Variants in PARP4 observed in about 807,000 individuals in gnomAD.
PARP4 encodes the protein poly(ADP-ribose) polymerase family member 4.
Under a neutral mutation model 187.7 loss-of-function variants are expected in PARP4, and 120 were observed. The observed-to-expected ratio is 0.64, with a 90% CI of 0.55 to 0.74. The LOEUF (loss-of-function observed/expected upper bound fraction) is 0.74, where lower values mean the gene tolerates loss of function less well. PARP4 is among the 30% of genes least tolerant of loss of function. The pLI is 0.00. For synonymous variants in PARP4, 654 were observed against 740.9 expected, an observed-to-expected ratio of 0.88 and a Z score of 1.90; for missense variants, 1,836 against 2,070.5, an observed-to-expected ratio of 0.89 and a Z score of 2.20.
chr13:24,490,327 C>T (rs1175364348), intron 10 of PARP4, among the ~76,000 whole-genome samples: 3 of 152,244 alleles, frequency 2.0e-5, no homozygotes, highest in Middle Eastern at 3.4e-3. Flanking sequence ...ACGTTAGAGA[C>T]GCCATACCCA....
At chr13:24,453,222 C>T (rs764522091) in intron 23 of PARP4, among the ~76,000 whole-genome samples, 1 of 151,780 alleles carries the variant, frequency 6.6e-6, no homozygotes, top group African/African-American at 2.4e-5. Context: ...AGGTGTGAGA[C>T]ACCACACCCA....
chr13:24,443,709 G>A lies in PARP4; in HGVS notation c.3388C>T (p.Arg1130Ter), dbSNP rs144638172. Residue 1130 changes from arginine to a stop codon, truncating the protein, a stop_gained, in exon 28 of 34, where the codon CGA (arginine) becomes TGA (stop). Transcript: ENST00000381989. LOFTEE classifies it high-confidence loss of function. ...TGTMIHKLAA[R>*]ALIRDYEDGI... ...TCTTCATAATCTCTGATTAGAGCTC[G>A]GGCTGCCAGCTTGTGGATCATCTGT... 54 of 1,613,354 alleles carry A rather than the reference G, an allele frequency of 3.3e-5. No homozygotes were observed. The African/African-American group carries it at 5.1e-4, about 15-fold the overall frequency.
chr13:24,462,411 C>G (rs1405137325), intron 17 of PARP4, among the ~76,000 whole-genome samples: 1 of 152,168 alleles, frequency 6.6e-6, no homozygotes, highest in African/African-American at 2.4e-5. Context: ...AACTCTTCAA[C>G]CCCTACACTA....
intron 14 of PARP4, among the ~76,000 whole-genome samples, chr13:24,476,367 ACTGT>A (rs1459727115): frequency 6.6e-6 from 1 of 152,146 alleles, no homozygotes; most frequent in South Asian, 2.1e-4. Flanking sequence ...AGGTCTTCAG[ACTGT>A]CTGAAGTGTG....
At chr13:24,466,532 C>T (rs9581063) in intron 17 of PARP4, among the ~76,000 whole-genome samples, 77,318 of 151,804 alleles carry the variant, frequency 0.51, 20,010 homozygotes, top group South Asian at 0.65. Context: ...CAGTGGCTCA[C>T]GTCTGTAATC....
intron 27 of PARP4, 31 bp from the exon 28 acceptor site, chr13:24,443,761 T>C: frequency 2.1e-6 from 3 of 1,419,798 alleles, no homozygotes; most frequent in Non-Finnish European, 3.0e-6. Context: ...AAAAAAAATA[T>C]TCACATGGCT....
chr13:24,454,913 C>G, intron 22 of PARP4, 104 bp downstream of exon 22: 1 of 880,164 alleles, frequency 1.1e-6, no homozygotes, highest in Non-Finnish European at 1.7e-6. Flanking sequence ...CTAGGCTGCC[C>G]CTCACCACAC....
chr13:24,434,984 C>A lies in PARP4; in HGVS notation c.4157G>T (p.Gly1386Val). The A allele has an allele frequency of 6.2e-7, 1 of 1,613,858 alleles. No homozygotes were observed. The highest frequency in any genetic ancestry group is 8.5e-7 in the Non-Finnish European group (1 of 1,179,960). The change falls in exon 31 of 34, where the codon GGA (glycine) becomes GTA (valine). Residue 1386 changes from glycine to valine, a missense_variant. By Grantham distance (109) the Gly-to-Val change is moderately radical. Around this residue, in one of 8 missense-constraint regions of PARP4, gnomAD observed 450 missense variants for 439.2 expected, o/e 1.02. Transcript: ENST00000381989. ...WIPQSASCPT[G>V]PPQNPPSSPY... ...TGAAGAAGGTGGGTTCTGGGGAGGT[C>A]CTGTGGGACAAGACGCCGACTGTGG...
intron 31 of PARP4, among the ~76,000 whole-genome samples, chr13:24,432,498 C>T (rs993793999): frequency 6.6e-6 from 1 of 152,164 alleles, no homozygotes; most frequent in Non-Finnish European, 1.5e-5. Context: ...ATGAACTTAG[C>T]CACCACTCCC....
At chr13:24,458,109 A>ATTTT (rs1209906906) in intron 20 of PARP4, among the ~76,000 whole-genome samples, 1 of 139,320 alleles carries the variant, frequency 7.2e-6, no homozygotes. Context: ...TGTCTCTACA[A>ATTTT]TTTTTTTTTT....
chr13:24,438,295 G>A (rs1003434664), intron 30 of PARP4, among the ~76,000 whole-genome samples: 1 of 152,160 alleles, frequency 6.6e-6, no homozygotes, highest in Non-Finnish European at 1.5e-5. Context: ...GTTCACAACA[G>A]GTTCGGGGCT....
chr13:24,492,272 G>T, intron 9 of PARP4, 149 bp downstream of exon 9: 1 of 522,310 alleles, frequency 1.9e-6, no homozygotes. Context: ...AAGGATCCAG[G>T]GCTTTCTAAA....
At chr13:24,422,950 T>C (rs982576829) in intron 33 of PARP4, among the ~76,000 whole-genome samples, 1 of 152,224 alleles carries the variant, frequency 6.6e-6, no homozygotes, top group Non-Finnish European at 1.5e-5. Flanking sequence ...CAAACCATTT[T>C]GCTAGCACAG....
intron 5 of PARP4, among the ~76,000 whole-genome samples, chr13:24,499,097 G>A (rs1213682205): frequency 3.9e-5 from 6 of 152,152 alleles, no homozygotes; most frequent in East Asian, 3.9e-4. Flanking sequence ...CCAGGAGTTC[G>A]AGACCAGCAA....
At position 24,503,934 on chromosome 13, in the gene PARP4, C is replaced by T. The variant is rs190889550; in HGVS notation, c.-1-157G>A. ...GAACATTGCAAAAATTGAATAATAT[C>T]CTAGCTTGCAATATGTGTGTTGGTT... is the stretch of plus-strand genomic sequence containing the variant. On this transcript the variant is annotated intron_variant, in intron 1 of 33. Coordinates refer to ENST00000381989, the MANE Select transcript of PARP4 (RefSeq NM_006437.4). Among the ~76,000 whole-genome samples the T allele has an allele frequency of 3.9e-5, 6 of 152,260 alleles. No individual in the cohort carries two copies. In the East Asian group the frequency reaches 9.6e-4, roughly 24 times the overall value.
chr13:24,442,289 T>C (rs1442682414), intron 29 of PARP4, among the ~76,000 whole-genome samples: 1 of 152,146 alleles, frequency 6.6e-6, no homozygotes, highest in East Asian at 1.9e-4. Flanking sequence ...TAAAAGACAA[T>C]AAACGCCAAA....
intron 7 of PARP4, 126 bp downstream of exon 7, chr13:24,494,447 G>T: frequency 1.3e-6 from 1 of 769,796 alleles, no homozygotes; most frequent in Non-Finnish European, 2.1e-6. Flanking sequence ...TCCTGCCTTG[G>T]CCTCCCAAAC....
At chr13:24,503,098 T>C (rs117598946) in intron 2 of PARP4, among the ~76,000 whole-genome samples, 3 of 152,376 alleles carry the variant, frequency 2.0e-5, no homozygotes, top group Non-Finnish European at 2.9e-5. Flanking sequence ...TTCATCCAGC[T>C]GTAAAATCCT....
intron 17 of PARP4, among the ~76,000 whole-genome samples, chr13:24,461,260 T>C (rs570872922): frequency 6.6e-6 from 1 of 152,202 alleles, no homozygotes; most frequent in East Asian, 1.9e-4. Flanking sequence ...AAACAGACAA[T>C]AAAGAGATGA....
Sources: gnomAD v4.1 joint callset for allele counts (sites outside exome capture counted in the v4.1 genomes callset) on GRCh38, gnomAD v4.1.1 for gene constraint, gnomAD v4.1.1 regional missense constraint, MANE v1.5 for transcripts, NCBI Gene and HGNC (gene_info 2026-07-23, HGNC 2026-07-21) for gene names.